Variants in CNTN5 observed in about 807,000 individuals in gnomAD.
CNTN5 encodes the protein contactin-5.
Under a neutral mutation model 129.1 loss-of-function variants are expected in CNTN5, and 77 were observed. That is an observed-to-expected ratio of 0.60 (90% CI 0.50 to 0.72). The LOEUF is 0.72. Among genes scored for constraint, CNTN5 ranks in the 30% least tolerant of loss-of-function variants. The pLI, the probability that CNTN5 is intolerant of heterozygous loss-of-function variation, is 0.00. For synonymous variants in CNTN5, 509 were observed against 465.6 expected, an observed-to-expected ratio of 1.09 and a Z score of -1.20; for missense variants, 1,478 against 1,328.8, an observed-to-expected ratio of 1.11 and a Z score of -1.75.
intron 1 of CNTN5, among the ~76,000 whole-genome samples, chr11:99,242,404 T>C (rs925112590): frequency 4.6e-5 from 7 of 152,142 alleles, no homozygotes; most frequent in Non-Finnish European, 8.8e-5. Context: ...AAGACAACTA[T>C]TAAATATTCT....
chr11:99,718,792 A>G (rs1591526830), intron 3 of CNTN5, among the ~76,000 whole-genome samples: 2 of 152,152 alleles, frequency 1.3e-5, no homozygotes, highest in East Asian at 3.9e-4. Flanking sequence ...ACTCTAAAAT[A>G]CCACAGCTAA....
chr11:100,244,482 T>A (rs936990104), intron 16 of CNTN5, among the ~76,000 whole-genome samples: 3 of 152,184 alleles, frequency 2.0e-5, no homozygotes, highest in African/African-American at 7.2e-5. Context: ...TCAGCCTTCA[T>A]CTTTCAAAAC....
chr11:99,439,814 C>T (rs1307039921), intron 2 of CNTN5, among the ~76,000 whole-genome samples: 2 of 151,698 alleles, frequency 1.3e-5, no homozygotes. Flanking sequence ...TGCATCTTGC[C>T]GCTGTCCAAC....
intron 9 of CNTN5, among the ~76,000 whole-genome samples, chr11:100,027,863 G>A (rs1392320104): frequency 1.3e-5 from 2 of 152,122 alleles, no homozygotes; most frequent in African/African-American, 2.4e-5. Context: ...TTTATATGCT[G>A]ATGCCTAATA....
chr11:100,109,797 C>A (rs1452596612), intron 13 of CNTN5, among the ~76,000 whole-genome samples: 2 of 152,172 alleles, frequency 1.3e-5, no homozygotes, highest in African/African-American at 4.8e-5. Flanking sequence ...TATTCACCTT[C>A]ATGATGGAAT....
intron 13 of CNTN5, among the ~76,000 whole-genome samples, chr11:100,183,437 C>T (rs59752264): frequency 0.031 from 4,739 of 152,212 alleles, 248 homozygotes; most frequent in African/African-American, 0.11. Flanking sequence ...AAGTGAATTA[C>T]TGATAATTGG....
Position 99,784,480 on chromosome 11 carries a change from A to C in CNTN5, c.56-35064A>C, listed in dbSNP as rs566645486. ...ATGTCCCTGCAAAGGACATGAACCC[A>C]TCCTTGGGTTGGTTCCAAGTCTTTC... On this transcript the variant is annotated intron_variant, in intron 3 of 24. Transcript: ENST00000524871. Among the ~76,000 whole-genome samples the C allele has an allele frequency of 4.1e-4, 63 of 152,162 alleles. 1 individual carries two copies. Among genetic ancestry groups the C allele is most frequent in the Admixed American group, 1.1e-3 (17 of 15,284 alleles).
At position 100,053,446 on chromosome 11, in the gene CNTN5, G is replaced by A. The variant is rs547266756; in HGVS notation, c.981-7766G>A. On this transcript the variant is annotated intron_variant, in intron 9 of 24. Coordinates refer to ENST00000524871, the MANE Select transcript of CNTN5 (RefSeq NM_014361.4). ...AAATGAACCAAAGATTTGAGTATGC[G>A]AATGGCTAATAAAAACATCCAAAGT... Among the ~76,000 whole-genome samples, 8 of 151,722 alleles carry A rather than the reference G, an allele frequency of 5.3e-5. No individual in the cohort carries two copies. The South Asian group carries it at 1.0e-3, about 20-fold the overall frequency.
chr11:99,404,074 T>G (rs1941959072), intron 2 of CNTN5, among the ~76,000 whole-genome samples: 1 of 152,116 alleles, frequency 6.6e-6, no homozygotes, highest in African/African-American at 2.4e-5. Context: ...TTTTATATCC[T>G]CTTGCTGAAT....
rs139593013 is a variant in CNTN5, at chr11:99,815,095, T to A, written c.56-4449T>A. 1.5e-4 allele frequency among the ~76,000 whole-genome samples: 23 copies of A among 152,212 alleles called. No homozygotes were observed. In the East Asian group the frequency reaches 3.9e-3, roughly 26 times the overall value. On this transcript the variant is annotated intron_variant, in intron 3 of 24. Coordinates refer to ENST00000524871, the MANE Select transcript of CNTN5 (RefSeq NM_014361.4). Reference sequence around the variant, plus strand: ...GGTTTCTGCCTTCACACCTGGGGATTATGAGGATTACGGAGATTATAATTC... The same window carrying A: ...GGTTTCTGCCTTCACACCTGGGGATAATGAGGATTACGGAGATTATAATTC...
chr11:99,155,686 C>G (rs1860301325), intron 1 of CNTN5, among the ~76,000 whole-genome samples: 1 of 151,986 alleles, frequency 6.6e-6, no homozygotes, highest in African/African-American at 2.4e-5. Context: ...TGAAGCCCAT[C>G]CATATTGGTA....
chr11:100,262,645 A>C (rs932644081), intron 17 of CNTN5, among the ~76,000 whole-genome samples: 2 of 152,228 alleles, frequency 1.3e-5, no homozygotes, highest in Non-Finnish European at 2.9e-5. Flanking sequence ...TTGCAGGGAC[A>C]TGGATGAAGC....
chr11:99,677,732 A>G (rs548867164), intron 3 of CNTN5, among the ~76,000 whole-genome samples: 1 of 152,252 alleles, frequency 6.6e-6, no homozygotes, highest in East Asian at 1.9e-4. Flanking sequence ...TTTTTCCAGA[A>G]ATGGGATGGG....
intron 16 of CNTN5, among the ~76,000 whole-genome samples, chr11:100,238,416 A>AC (rs1949665705): frequency 7.9e-6 from 1 of 127,162 alleles, no homozygotes; most frequent in Non-Finnish European, 1.8e-5. Flanking sequence ...GTCAAAAAAA[A>AC]AAAAAAAAAA....
At chr11:99,208,119 C>G (rs1859574064) in intron 1 of CNTN5, among the ~76,000 whole-genome samples, 1 of 152,118 alleles carries the variant, frequency 6.6e-6, no homozygotes. Flanking sequence ...CCTGAATGGT[C>G]ATTGGGTGCG....
At chr11:99,622,660 A>T (rs146236498) in intron 3 of CNTN5, among the ~76,000 whole-genome samples, 77 of 152,248 alleles carry the variant, frequency 5.1e-4, no homozygotes, top group African/African-American at 1.7e-3. Context: ...TAGAATGCTA[A>T]TTAACAGAGA....
At chr11:99,826,573 G>C (rs774831791) in intron 4 of CNTN5, among the ~76,000 whole-genome samples, 5 of 152,198 alleles carry the variant, frequency 3.3e-5, no homozygotes, top group Non-Finnish European at 7.3e-5. Flanking sequence ...AATTGAGGAA[G>C]TGATACTGGA....
rs548708586 is a variant in CNTN5, at chr11:99,041,169, A to G, written c.-210+19899A>G. Reference sequence around the variant, plus strand: ...TATTTACCACCAGGAGCCAACTCCAATAACTTTTCTCTTTATTTTAAAATT... The same window carrying G: ...TATTTACCACCAGGAGCCAACTCCAGTAACTTTTCTCTTTATTTTAAAATT... On this transcript the variant is annotated intron_variant, in intron 1 of 24. Coordinates refer to ENST00000524871, the MANE Select transcript of CNTN5 (RefSeq NM_014361.4). 3.9e-5 allele frequency among the ~76,000 whole-genome samples: 6 copies of G among 152,266 alleles called. No homozygotes were observed. The South Asian group carries it at 6.2e-4, about 16-fold the overall frequency.
chr11:99,100,142 CAA>C (rs1162038978), intron 1 of CNTN5, among the ~76,000 whole-genome samples: 1 of 152,040 alleles, frequency 6.6e-6, no homozygotes, highest in Non-Finnish European at 1.5e-5. Flanking sequence ...GACCTGCAAA[CAA>C]TATTTTTAAA....
Sources: gnomAD v4.1 joint callset for allele counts (sites outside exome capture counted in the v4.1 genomes callset) on GRCh38, gnomAD v4.1.1 for gene constraint, MANE v1.5 for transcripts, NCBI Gene and HGNC (gene_info 2026-07-23, HGNC 2026-07-21) for gene names.